Variants in TP73 observed in about 807,000 individuals in gnomAD.
TP73 encodes the protein p53-like transcription factor.
Under a neutral mutation model 62.5 loss-of-function variants are expected in TP73, and 25 were observed. That is an observed-to-expected ratio of 0.40 (90% CI 0.29 to 0.56). The LOEUF (loss-of-function observed/expected upper bound fraction) is 0.56. TP73 is among the 20% of genes least tolerant of loss of function. The pLI is 0.46. For missense variants in TP73, 754 were observed against 913.3 expected (o/e 0.83, Z 2.25); for synonymous variants, 423 against 377.5 (o/e 1.12, Z -1.40).
chr1:3,670,428 G>A lies in TP73; in HGVS notation c.-33-11905G>A, dbSNP rs933276813. On this transcript the variant is annotated intron_variant, in intron 1 of 13. Coordinates refer to ENST00000378295, the MANE Select transcript of TP73 (RefSeq NM_005427.4). The surrounding 1 kb of genome is among the most constrained non-coding windows in gnomAD (Gnocchi z 5.9). ...ATCTGTAATCCCAGCACTCTGGGAG[G>A]CTGAGGCGGGTGGATCAACAGAGGT... Among the ~76,000 whole-genome samples the A allele has an allele frequency of 6.6e-6, 1 of 152,168 alleles. No homozygotes were observed. The highest frequency in any genetic ancestry group is 6.5e-5 in the Admixed American group (1 of 15,276).
intron 1 of TP73, among the ~76,000 whole-genome samples, chr1:3,664,057 T>C (rs760758151): frequency 1.3e-5 from 2 of 152,218 alleles, no homozygotes; most frequent in Non-Finnish European, 2.9e-5. Context: ...GAGCTGCCTA[T>C]GGGACCACAC....
chr1:3,658,457 A>G (rs1644913047), intron 1 of TP73, among the ~76,000 whole-genome samples: 1 of 152,314 alleles, frequency 6.6e-6, no homozygotes, highest in Admixed American at 6.5e-5. Flanking sequence ...CAGAAAGGAA[A>G]GGGGGCCTGG....
intron 2 of TP73, among the ~76,000 whole-genome samples, chr1:3,682,775 G>A (rs999869256): frequency 6.6e-6 from 1 of 152,224 alleles, no homozygotes; most frequent in Admixed American, 6.5e-5. Context: ...CCCTGGGGAT[G>A]CAGGACCAAA....
intron 4 of TP73, among the ~76,000 whole-genome samples, chr1:3,709,411 T>C (rs1475379636): frequency 6.6e-6 from 1 of 152,212 alleles, no homozygotes; most frequent in African/African-American, 2.4e-5. Flanking sequence ...TACTGCACGA[T>C]GGAGATAAGG....
chr1:3,689,987 G>A (rs1298644067), intron 3 of TP73, among the ~76,000 whole-genome samples: 2 of 152,232 alleles, frequency 1.3e-5, no homozygotes, highest in Non-Finnish European at 2.9e-5. Flanking sequence ...CCCACTAGAC[G>A]GGTGCGGGGC....
rs76416414 is a variant in TP73, at chr1:3,689,020, G to A, written c.186+5840G>A. On this transcript the variant is annotated intron_variant, in intron 3 of 13. Coordinates refer to ENST00000378295, the MANE Select transcript of TP73 (RefSeq NM_005427.4). ...CCTACAGAGGCTGAGGATGTGCCCT[G>A]TGGGGGTCGGGAGCGGAACCCAGGC... is the stretch of plus-strand genomic sequence containing the variant. Among the ~76,000 whole-genome samples, 1,510 of 152,304 alleles carry A rather than the reference G, an allele frequency of 9.9e-3. 25 individuals are homozygous for A. The highest frequency in any genetic ancestry group is 0.035 in the African/African-American group (1,446 of 41,554).
Position 3,704,082 on chromosome 1 carries a change from C to T in TP73, c.187-3467C>T, listed in dbSNP as rs529756055. Among the ~76,000 whole-genome samples, 231 of 152,296 alleles carry T rather than the reference C, an allele frequency of 1.5e-3. 1 individual carries two copies. The highest frequency in any genetic ancestry group is 5.1e-3 in the African/African-American group (214 of 41,562). ...GGGAGCCGTCCTGCATTCGCTTGTT[C>T]GTTTGTTCTGCCAGCTCGCTTGTTC... On this transcript the variant is annotated intron_variant, in intron 3 of 13. Coordinates refer to ENST00000378295, the MANE Select transcript of TP73 (RefSeq NM_005427.4).
chr1:3,707,515 G>A (rs1395624072), intron 3 of TP73, 34 bp from the exon 4 acceptor site: 1 of 1,589,574 alleles, frequency 6.3e-7, no homozygotes. Context: ...GACTGTGTGT[G>A]TTTCCCCCTC....
In TP73 at chr1:3,666,172, C is replaced by T. The variant is rs146890339; in HGVS notation, c.-34+13531C>T. Reference sequence around the variant, plus strand: ...AAAAAGAGAGAGAGAGAGAGAGAATCTCACTCTGCAGCCTAGGCTGGTGTG... The same window carrying T: ...AAAAAGAGAGAGAGAGAGAGAGAATTTCACTCTGCAGCCTAGGCTGGTGTG... On this transcript the variant is annotated intron_variant, in intron 1 of 13. Transcript: ENST00000378295. The surrounding 1 kb of genome is among the most constrained non-coding windows in gnomAD (Gnocchi z 6.4). 7.1e-6 allele frequency among the ~76,000 whole-genome samples: 1 copy of T among 141,230 alleles called. No homozygotes were observed. The highest frequency in any genetic ancestry group is 1.5e-5 in the Non-Finnish European group (1 of 65,310). The allele number at this position is 141,230 out of a possible 152,430, so 92.7% of individuals were successfully genotyped here.
intron 4 of TP73, among the ~76,000 whole-genome samples, chr1:3,709,467 G>A (rs1639953310): frequency 6.6e-6 from 1 of 152,242 alleles, no homozygotes; most frequent in Non-Finnish European, 1.5e-5. Context: ...TGCTTAGCTC[G>A]CAGCAGGAGG....
intron 3 of TP73, among the ~76,000 whole-genome samples, chr1:3,686,753 G>T (rs1001091469): frequency 6.6e-6 from 1 of 152,210 alleles, no homozygotes; most frequent in Non-Finnish European, 1.5e-5. Context: ...CGAGGTGGGT[G>T]TGGCTGGGGG....
At chr1:3,727,277 C>A in intron 7 of TP73, 53 bp downstream of exon 7, 2 of 1,536,294 alleles carry the variant, frequency 1.3e-6, no homozygotes, top group South Asian at 1.2e-5. Context: ...CAGGCACGGC[C>A]GGGGGAGAAG....
At chr1:3,707,523 C>A in intron 3 of TP73, 26 bp from the exon 4 acceptor site, 1 of 1,593,944 alleles carries the variant, frequency 6.3e-7, no homozygotes, top group Non-Finnish European at 8.6e-7. Context: ...GTGTTTCCCC[C>A]TCCCTCCTCC....
At chr1:3,669,414 C>T (rs1645191417) in intron 1 of TP73, among the ~76,000 whole-genome samples, 2 of 152,220 alleles carry the variant, frequency 1.3e-5, no homozygotes, top group Admixed American at 6.5e-5. Context: ...CAGGGCTCCT[C>T]GTGTGACCCT....
intron 3 of TP73, among the ~76,000 whole-genome samples, chr1:3,688,766 G>A (rs986788812): frequency 2.6e-5 from 4 of 152,190 alleles, no homozygotes; most frequent in Non-Finnish European, 4.4e-5. Context: ...TGGGATCCCC[G>A]CAGCCTGGCC....
At chr1:3,732,454 G>T (rs1557594117) in intron 13 of TP73, among the ~76,000 whole-genome samples, 1 of 152,002 alleles carries the variant, frequency 6.6e-6, no homozygotes, top group Admixed American at 6.5e-5. Flanking sequence ...ACTCCAGGGG[G>T]CAGGGACATG....
At position 3,729,821 on chromosome 1, in the gene TP73, G is replaced by A. The variant is rs1374815914; in HGVS notation, c.1197-179G>A. 44 of 945,574 alleles carry A rather than the reference G, an allele frequency of 4.7e-5. No individual in the cohort carries two copies. The Admixed American group carries it at 4.8e-4, about 10-fold the overall frequency. 58.6% of individuals were successfully genotyped at this position (945,574 alleles called of 1,614,324 possible). ...GCCATGGCCAGTGTCCTTCTCAGGCGCAGGCCCAGTGGCCGTGCATGGCCA... is the reference window on the plus strand; with the variant it reads ...GCCATGGCCAGTGTCCTTCTCAGGCACAGGCCCAGTGGCCGTGCATGGCCA... On this transcript the variant is annotated intron_variant, in intron 10 of 13. Transcript: ENST00000378295.
chr1:3,709,700 T>C (rs968428501), intron 4 of TP73, among the ~76,000 whole-genome samples: 5 of 152,204 alleles, frequency 3.3e-5, no homozygotes, highest in Admixed American at 3.3e-4. Flanking sequence ...TCAGGCTTGT[T>C]GCCTAAGTCC....
rs59432695 is a variant in TP73, at chr1:3,666,124, CAAAAAAAAAAAAAAA to C, written c.-34+13496_-34+13510del. Among the ~76,000 whole-genome samples, 4 of 41,084 alleles carry C rather than the reference CAAAAAAAAAAAAAAA, an allele frequency of 9.7e-5. No homozygotes were observed. Among genetic ancestry groups the C allele is most frequent in the African/African-American group, 3.6e-4 (4 of 11,212 alleles). 27.0% of individuals were successfully genotyped at this position (41,084 alleles called of 152,430 possible). On this transcript the variant is annotated intron_variant, in intron 1 of 13. Coordinates refer to ENST00000378295, the MANE Select transcript of TP73 (RefSeq NM_005427.4). This position sits in a 1 kb window ranked among gnomAD's most constrained non-coding sequence, Gnocchi z 6.4. ...GGGCAACAAGAGCAAAACTCTGTCTCAAAAAAAAAAAAAAAAAAAAAAAAAAAGAGAGAGAGAGAG... is the reference window on the plus strand; with the variant it reads ...GGGCAACAAGAGCAAAACTCTGTCTCAAAAAAAAAAAAGAGAGAGAGAGAG...
Sources: gnomAD v4.1 joint callset for allele counts (sites outside exome capture counted in the v4.1 genomes callset) on GRCh38, gnomAD v4.1.1 for gene constraint, Gnocchi (gnomAD v3.1) non-coding constraint, MANE v1.5 for transcripts, NCBI Gene and HGNC (gene_info 2026-07-23, HGNC 2026-07-21) for gene names.